PTPRD: variants seen among roughly 807,000 people sequenced by gnomAD.
PTPRD encodes protein tyrosine phosphatase receptor type D, also known as receptor-type tyrosine-protein phosphatase delta.
PTPRD carries 34 observed loss-of-function variants against 214.5 expected under a neutral mutation model. The observed-to-expected ratio is 0.16, with a 90% confidence interval of 0.12 to 0.21. The LOEUF (loss-of-function observed/expected upper bound fraction) is 0.21. Among genes scored for constraint, PTPRD ranks in the 10% least tolerant of loss-of-function variants. PTPRD has a pLI of 1.00. For missense variants in PTPRD, 2,545 were observed against 2,398.7 expected (o/e 1.06, Z -1.27); for synonymous variants, 1,128 against 845.7 (o/e 1.33, Z -5.79).
At chr9:10,579,483 A>G (rs1591375270) in intron 2 of PTPRD, among the ~76,000 whole-genome samples, 1 of 152,140 alleles carries the variant, frequency 6.6e-6, no homozygotes, top group Admixed American at 6.5e-5. Context: ...TTAATGTTGT[A>G]TATGTACCAC....
chr9:9,427,220 G>A (rs1268315230), intron 8 of PTPRD, among the ~76,000 whole-genome samples: 1 of 152,166 alleles, frequency 6.6e-6, no homozygotes, highest in African/African-American at 2.4e-5. Context: ...GACCTTAAAT[G>A]ACCTGATGGA....
At chr9:10,581,751 C>A (rs2132430146) in intron 2 of PTPRD, among the ~76,000 whole-genome samples, 1 of 152,158 alleles carries the variant, frequency 6.6e-6, no homozygotes, top group Admixed American at 6.5e-5. Context: ...CAGTTTAGGT[C>A]ATTTCTGAGG....
chr9:8,958,164 G>A (rs898674972), intron 11 of PTPRD, among the ~76,000 whole-genome samples: 3 of 151,884 alleles, frequency 2.0e-5, no homozygotes, highest in South Asian at 2.1e-4. Flanking sequence ...AATATGAGAC[G>A]GGTGCCAGAA....
intron 3 of PTPRD, among the ~76,000 whole-genome samples, chr9:10,313,564 A>C (rs1248840829): frequency 6.6e-6 from 1 of 151,974 alleles, no homozygotes; most frequent in East Asian, 1.9e-4. Flanking sequence ...CAACTTGAAG[A>C]TAAAGTAGCT....
At chr9:8,736,670 G>A (rs780036376) in intron 11 of PTPRD, among the ~76,000 whole-genome samples, 7 of 151,604 alleles carry the variant, frequency 4.6e-5, no homozygotes, top group African/African-American at 7.3e-5. Flanking sequence ...AAAAAGGAGA[G>A]GAATCACTCT....
At chr9:9,220,638 A>C (rs891366289) in intron 9 of PTPRD, among the ~76,000 whole-genome samples, 1 of 152,004 alleles carries the variant, frequency 6.6e-6, no homozygotes, top group Non-Finnish European at 1.5e-5. Context: ...ATTCATTTGC[A>C]TTTCGGGGGG....
At chr9:9,264,083 T>C (rs1937751484) in intron 9 of PTPRD, among the ~76,000 whole-genome samples, 1 of 151,658 alleles carries the variant, frequency 6.6e-6, no homozygotes, top group Non-Finnish European at 1.5e-5. Context: ...TGACCACTTA[T>C]TCAAATGCAA....
intron 2 of PTPRD, among the ~76,000 whole-genome samples, chr9:10,464,094 T>C (rs1297212580): frequency 1.3e-5 from 2 of 151,280 alleles, no homozygotes; most frequent in Non-Finnish European, 3.0e-5. Flanking sequence ...TTAAAAGTTA[T>C]CAGATTAAGA....
At chr9:8,369,331 G>A (rs550820105) in intron 39 of PTPRD, among the ~76,000 whole-genome samples, 18 of 152,030 alleles carry the variant, frequency 1.2e-4, no homozygotes, top group African/African-American at 4.3e-4. Context: ...TATTGGGTTG[G>A]GCTTAGGGGT....
chr9:8,542,566 G>A (rs922912777), intron 14 of PTPRD, among the ~76,000 whole-genome samples: 2 of 152,198 alleles, frequency 1.3e-5, no homozygotes, highest in African/African-American at 4.8e-5. Flanking sequence ...CCCTTGGGAA[G>A]CAATGTCATG....
At chr9:8,411,883 T>A (rs2093562835) in intron 35 of PTPRD, among the ~76,000 whole-genome samples, 1 of 152,212 alleles carries the variant, frequency 6.6e-6, no homozygotes, top group Non-Finnish European at 1.5e-5. Context: ...TCATTGGAAA[T>A]CACTTTACAA....
At chr9:9,274,944 CA>C (rs1944393690) in intron 9 of PTPRD, among the ~76,000 whole-genome samples, 1 of 143,856 alleles carries the variant, frequency 7.0e-6, no homozygotes, top group African/African-American at 2.6e-5. Context: ...TTTTAATAAA[CA>C]TGAAAAAAGT....
intron 11 of PTPRD, among the ~76,000 whole-genome samples, chr9:8,951,026 T>G (rs919690250): frequency 6.6e-6 from 1 of 152,126 alleles, no homozygotes; most frequent in African/African-American, 2.4e-5. Context: ...TAAAGATATG[T>G]TTTTGGAATC....
At chr9:9,495,489 C>A (rs914458994) in intron 8 of PTPRD, among the ~76,000 whole-genome samples, 1 of 152,068 alleles carries the variant, frequency 6.6e-6, no homozygotes, top group African/African-American at 2.4e-5. Context: ...GCCCGCCCTG[C>A]CCCTATCCTG....
At chr9:9,257,298 T>C (rs1275996653) in intron 9 of PTPRD, among the ~76,000 whole-genome samples, 2 of 152,052 alleles carry the variant, frequency 1.3e-5, no homozygotes, top group South Asian at 2.1e-4. Context: ...AGATAGTATG[T>C]ATTTGTATTT....
chr9:8,834,969 T>C (rs2097382322), intron 11 of PTPRD, among the ~76,000 whole-genome samples: 1 of 152,172 alleles, frequency 6.6e-6, no homozygotes, highest in Non-Finnish European at 1.5e-5. Flanking sequence ...GCTGGTGCTT[T>C]TGCCTAAAGA....
At chr9:10,270,345 G>A (rs947383808) in intron 3 of PTPRD, among the ~76,000 whole-genome samples, 1 of 152,018 alleles carries the variant, frequency 6.6e-6, no homozygotes, top group African/African-American at 2.4e-5. Context: ...ATGTTATAAG[G>A]CAATGCATCT....
intron 12 of PTPRD, among the ~76,000 whole-genome samples, chr9:8,685,530 A>G (rs1299890362): frequency 4.6e-5 from 7 of 152,224 alleles, no homozygotes; most frequent in Non-Finnish European, 1.0e-4. Flanking sequence ...CAACAAACAC[A>G]TCAGGAACAG....
At chr9:10,428,366 T>G (rs557206100) in intron 2 of PTPRD, among the ~76,000 whole-genome samples, 42 of 152,178 alleles carry the variant, frequency 2.8e-4, no homozygotes, top group Admixed American at 1.0e-3. Context: ...CTCAGTAACA[T>G]GGCTAACTCA....
Sources: allele counts gnomAD v4.1 joint callset (sites outside exome capture counted in the v4.1 genomes callset), GRCh38; gene constraint gnomAD v4.1.1; transcripts MANE v1.5; gene names NCBI Gene and HGNC (gene_info 2026-07-23, HGNC 2026-07-21).